The following TULP3 variants were observed in gnomAD, a reference collection of about 807,000 sequenced individuals.
TULP3 encodes TUB like protein 3.
In TULP3, 38 loss-of-function variants were observed where a neutral mutation model predicts 50.7. The ratio of observed to expected loss-of-function variants is 0.75; its 90% CI spans 0.58 to 0.98. TULP3 has a LOEUF of 0.98. TULP3 is among the 50% of genes least tolerant of loss of function. TULP3 has a pLI of 0.00. For missense variants in TULP3, 550 were observed against 568.0 expected (o/e 0.97, Z 0.32); for synonymous variants, 183 against 196.6 (o/e 0.93, Z 0.58).
chr12:2,912,131 T>C (rs1162221046), intron 2 of TULP3, among the ~76,000 whole-genome samples: 1 of 152,062 alleles, frequency 6.6e-6, no homozygotes, highest in Admixed American at 6.6e-5. Flanking sequence ...GAAGAAAACA[T>C]TGGGCTGGGA....
intron 1 of TULP3, among the ~76,000 whole-genome samples, chr12:2,892,304 G>T (rs184755051): frequency 6.0e-4 from 91 of 152,092 alleles, no homozygotes; most frequent in Middle Eastern, 6.8e-3. Flanking sequence ...TACATTTACA[G>T]GTGTAAGTGG....
intron 2 of TULP3, among the ~76,000 whole-genome samples, chr12:2,915,054 T>C (rs912666981): frequency 1.3e-5 from 2 of 152,242 alleles, no homozygotes; most frequent in East Asian, 3.9e-4. Context: ...AGTGGCATGA[T>C]CTTGGCTCAC....
chr12:2,909,689 G>A, intron 2 of TULP3, 109 bp downstream of exon 2: 1 of 1,164,910 alleles, frequency 8.6e-7, no homozygotes, highest in Non-Finnish European at 1.2e-6. Flanking sequence ...GACTGGAAAG[G>A]AGAAGGCTCG....
chr12:2,927,366 A>ATTTT lies in TULP3; in HGVS notation c.395-2867_395-2864dup, dbSNP rs71057864. Among the ~76,000 whole-genome samples the ATTTT allele has an allele frequency of 7.6e-5, 8 of 105,186 alleles. No homozygotes were observed. The South Asian group carries it at 2.3e-3, about 30-fold the overall frequency. 69.0% of individuals were successfully genotyped at this position (105,186 alleles called of 152,430 possible). A position where few individuals can be genotyped will look rare whatever the true frequency, so the allele number is the denominator to read the frequency against. On this transcript the variant is annotated intron_variant, in intron 4 of 10. Transcript: ENST00000448120. ...GGACCTATGTTTTCAGTTGAGACTG[A>ATTTT]TTTTTTTTTTTTTTTTTTGAGACCA...
chr12:2,911,197 C>A (rs1265900215), intron 2 of TULP3, among the ~76,000 whole-genome samples: 1 of 151,652 alleles, frequency 6.6e-6, no homozygotes, highest in Non-Finnish European at 1.5e-5. Flanking sequence ...TTTTGTAGCA[C>A]AATTTTTTTT....
At chr12:2,906,866 A>G (rs1270798274) in intron 1 of TULP3, among the ~76,000 whole-genome samples, 10 of 151,770 alleles carry the variant, frequency 6.6e-5, no homozygotes, top group Admixed American at 6.6e-4. Flanking sequence ...CAGCGAGCCA[A>G]GATCACGTCA....
intron 2 of TULP3, among the ~76,000 whole-genome samples, chr12:2,914,940 C>T (rs1273163738): frequency 6.7e-6 from 1 of 150,252 alleles, no homozygotes; most frequent in East Asian, 2.0e-4. Flanking sequence ...GCAAGATACT[C>T]GTTTTCAGGG....
At chr12:2,913,191 T>G (rs1006849264) in intron 2 of TULP3, among the ~76,000 whole-genome samples, 1 of 144,954 alleles carries the variant, frequency 6.9e-6, no homozygotes. Context: ...AATGACTAAT[T>G]ATGTTGAGTT....
At chr12:2,894,273 G>A (rs2153947330) in intron 1 of TULP3, among the ~76,000 whole-genome samples, 1 of 136,396 alleles carries the variant, frequency 7.3e-6, no homozygotes, top group East Asian at 2.2e-4. Context: ...CAGCACCATG[G>A]GAGGCCGAGA....
chr12:2,930,859 T>TA (rs762610628), intron 5 of TULP3, 178 bp from the exon 6 acceptor site: 2 of 690,524 alleles, frequency 2.9e-6, no homozygotes, highest in East Asian at 5.4e-5. Flanking sequence ...TTTTGATACT[T>TA]ACTCTTCATT....
rs1328567497 is a variant in TULP3, at chr12:2,939,177, G to T, written c.1196-134G>T. On this transcript the variant is annotated intron_variant, in intron 10 of 10. Transcript: ENST00000448120. This position sits in a 1 kb window ranked among gnomAD's most constrained non-coding sequence, Gnocchi z 4.0. ...GGACGGGAGGTCAAGGCTGCAGTGA[G>T]CTGTGGTCATTCCACTAGGCTCCAG... 13 of 964,568 alleles carry T rather than the reference G, an allele frequency of 1.3e-5. No individual in the cohort carries two copies. Among genetic ancestry groups the T allele is most frequent in the Non-Finnish European group, 2.0e-5 (13 of 642,778 alleles). 59.8% of individuals were successfully genotyped at this position (964,568 alleles called of 1,614,324 possible).
At chr12:2,927,864 C>T (rs1450730624) in intron 4 of TULP3, among the ~76,000 whole-genome samples, 1 of 152,156 alleles carries the variant, frequency 6.6e-6, no homozygotes, top group Non-Finnish European at 1.5e-5. Flanking sequence ...GGGGTAACTT[C>T]ACCCCGCAGA....
chr12:2,936,018 G>A (rs2098201027), intron 8 of TULP3, among the ~76,000 whole-genome samples: 1 of 152,070 alleles, frequency 6.6e-6, no homozygotes, highest in Non-Finnish European at 1.5e-5. Context: ...TGTAATCCCA[G>A]CACTTTGGGA....
rs754680754 is a variant in TULP3 at position 2,939,293 on chromosome 12, A to G, written c.1196-18A>G. ...AACCACATTATATTCTAACATGTTG[A>G]TTTCTTTCTGTTTCTAGCTGATTAT... On this transcript the variant is annotated intron_variant, in intron 10 of 10. Coordinates refer to ENST00000448120, the MANE Select transcript of TULP3 (RefSeq NM_003324.5). This position sits in a 1 kb window ranked among gnomAD's most constrained non-coding sequence, Gnocchi z 4.0. 6.2e-6 allele frequency: 10 copies of G among 1,610,868 alleles called. No individual in the cohort carries two copies. Among genetic ancestry groups the G allele is most frequent in the Admixed American group, 3.4e-5 (2 of 59,232 alleles).
chr12:2,926,620 G>A (rs2098194830), intron 4 of TULP3, among the ~76,000 whole-genome samples: 1 of 152,038 alleles, frequency 6.6e-6, no homozygotes. Flanking sequence ...GTAAACAATA[G>A]GCCAGGCATG....
intron 8 of TULP3, among the ~76,000 whole-genome samples, chr12:2,935,029 G>T (rs747691912): frequency 3.3e-5 from 5 of 151,896 alleles, no homozygotes; most frequent in Non-Finnish European, 5.9e-5. Context: ...CCCGGGAAAG[G>T]CTTGAGAACT....
intron 1 of TULP3, among the ~76,000 whole-genome samples, chr12:2,894,302 G>T (rs374570103): frequency 2.6e-5 from 1 of 38,080 alleles, no homozygotes; most frequent in Non-Finnish European, 9.3e-5. Flanking sequence ...GGGCGGGGCG[G>T]GGGGGGGGAA....
intron 7 of TULP3, 139 bp downstream of exon 7, chr12:2,933,669 A>T (rs892106654): frequency 9.9e-6 from 5 of 505,790 alleles, no homozygotes; most frequent in East Asian, 3.6e-5. Flanking sequence ...AAAAAAAAAA[A>T]GCTGGGCGCA....
At position 2,937,667 on chromosome 12, in the gene TULP3, ATGTC is replaced by A; in HGVS notation, c.965_968del (p.Ser322Ter). On this transcript the variant is annotated frameshift_variant, in exon 9 of 11. Transcript: ENST00000448120. LOFTEE classifies it high-confidence loss of function. Reference sequence around the variant, plus strand: ...ACTTGGATTTAAAGGTCCTAGGAAAATGTCTGTGATCATTCCTGGAATGACACTG... The same window carrying A: ...ACTTGGATTTAAAGGTCCTAGGAAAATGTGATCATTCCTGGAATGACACTG... 2 of 1,613,242 alleles carry A rather than the reference ATGTC, an allele frequency of 1.2e-6. No individual in the cohort carries two copies. The highest frequency in any genetic ancestry group is 1.7e-6 in the Non-Finnish European group (2 of 1,179,686).
Sources: gnomAD v4.1 joint callset for allele counts (sites outside exome capture counted in the v4.1 genomes callset) on GRCh38, gnomAD v4.1.1 for gene constraint, Gnocchi (gnomAD v3.1) non-coding constraint, MANE v1.5 for transcripts, NCBI Gene and HGNC (gene_info 2026-07-23, HGNC 2026-07-21) for gene names.